The following ALDH1A1 variants were observed in gnomAD, a reference collection of about 807,000 sequenced individuals.
ALDH1A1 encodes aldehyde dehydrogenase 1 family member A1.
A neutral mutation model predicts 62.1 loss-of-function variants in ALDH1A1; 19 were observed. The ratio of observed to expected loss-of-function variants is 0.31; its 90% CI spans 0.21 to 0.45. The LOEUF (loss-of-function observed/expected upper bound fraction) is 0.45, where lower values mean the gene tolerates loss of function less well. Among genes scored for constraint, ALDH1A1 ranks in the 20% least tolerant of loss-of-function variants. ALDH1A1 has a pLI of 1.00. For missense variants in ALDH1A1, 521 were observed against 607.1 expected (o/e 0.86, Z 1.49); for synonymous variants, 231 against 215.9 (o/e 1.07, Z -0.61).
At chr9:72,940,046 T>C (rs1303186554) in intron 2 of ALDH1A1, 102 bp downstream of exon 2, 9 of 776,512 alleles carry the variant, frequency 1.2e-5, no homozygotes, top group Non-Finnish European at 1.9e-5. Flanking sequence ...AAACCATATT[T>C]TCATGGCATG....
At chr9:72,906,659 A>G (rs1040161488) in intron 11 of ALDH1A1, among the ~76,000 whole-genome samples, 1 of 152,234 alleles carries the variant, frequency 6.6e-6, no homozygotes, top group Non-Finnish European at 1.5e-5. Context: ...ACAAAAAATT[A>G]CAATAGAAGA....
chr9:72,929,457 A>G (rs991583142), intron 3 of ALDH1A1, among the ~76,000 whole-genome samples: 2 of 152,220 alleles, frequency 1.3e-5, no homozygotes, highest in African/African-American at 4.8e-5. Context: ...TAATTTTTAC[A>G]TTCCATCTGG....
intron 1 of ALDH1A1, among the ~76,000 whole-genome samples, chr9:72,942,890 A>G (rs114468851): frequency 3.8e-3 from 576 of 152,206 alleles, no homozygotes; most frequent in African/African-American, 0.012. Flanking sequence ...TCTTTCCAAC[A>G]TAACATGTTA....
intron 1 of ALDH1A1, among the ~76,000 whole-genome samples, chr9:72,941,641 C>T (rs915131362): frequency 1.1e-4 from 17 of 152,102 alleles, no homozygotes; most frequent in African/African-American, 3.9e-4. Context: ...GAATAACTAA[C>T]TTAATTGAAT....
At chr9:72,908,061 C>T (rs1339491157) in intron 11 of ALDH1A1, among the ~76,000 whole-genome samples, 1 of 151,944 alleles carries the variant, frequency 6.6e-6, no homozygotes, top group Non-Finnish European at 1.5e-5. Context: ...TCAGTTTATA[C>T]ATTTTTAAAG....
intron 12 of ALDH1A1, among the ~76,000 whole-genome samples, chr9:72,901,791 T>C (rs889724836): frequency 6.6e-6 from 1 of 152,044 alleles, no homozygotes; most frequent in African/African-American, 2.4e-5. Context: ...GCAGAGCTTG[T>C]ATTTACCATG....
chr9:72,941,005 G>T (rs1021121613), intron 1 of ALDH1A1, among the ~76,000 whole-genome samples: 8 of 152,096 alleles, frequency 5.3e-5, no homozygotes, highest in African/African-American at 1.2e-4. Flanking sequence ...TCATGTCACT[G>T]AATTTGTCTT....
intron 10 of ALDH1A1, among the ~76,000 whole-genome samples, chr9:72,911,442 C>T (rs772920197): frequency 2.0e-5 from 3 of 152,114 alleles, no homozygotes; most frequent in Non-Finnish European, 4.4e-5. Context: ...AGGATATTTA[C>T]GATAGCTCTC....
chr9:72,928,949 T>C lies in ALDH1A1; in HGVS notation c.385A>G (p.Thr129Ala). 6.2e-7 allele frequency: 1 copy of C among 1,614,026 alleles called. No individual in the cohort carries two copies. The highest frequency in any genetic ancestry group is 8.5e-7 in the Non-Finnish European group (1 of 1,179,940). ...GCCCAACCTGCACAGTAGCGCAATG[T>C]TTTGATGCAGCCTGCTAAATCATTC... ...YLNDLAGCIK[T>A]LRYCAGWADK... The change falls in exon 4 of 13, where the codon ACA becomes GCA. Residue 129 changes from threonine (T) to alanine (A), a missense_variant. By Grantham distance (58) the Thr-to-Ala change is moderately conservative. Transcript: ENST00000297785.
At chr9:72,951,657 T>A (rs1830545375) in intron 1 of ALDH1A1, among the ~76,000 whole-genome samples, 1 of 151,968 alleles carries the variant, frequency 6.6e-6, no homozygotes, top group Non-Finnish European at 1.5e-5. Flanking sequence ...TGAGGGAGAC[T>A]GGACTCTTGC....
At chr9:72,940,304 T>G (rs762372528) in intron 1 of ALDH1A1, 52 bp from the exon 2 acceptor site, 3 of 1,401,078 alleles carry the variant, frequency 2.1e-6, no homozygotes, top group Non-Finnish European at 3.0e-6. Flanking sequence ...TGCAGAAAAT[T>G]TTGGAAGTTT....
At chr9:72,907,517 A>C (rs867285267) in intron 11 of ALDH1A1, among the ~76,000 whole-genome samples, 7 of 152,342 alleles carry the variant, frequency 4.6e-5, no homozygotes, top group Non-Finnish European at 7.3e-5. Context: ...CTAGTCGAAA[A>C]TACAAAACTG....
Position 72,901,225 on chromosome 9 carries a change from A to G in ALDH1A1, c.1489T>C (p.Ser497Pro). The change falls in exon 13 of 13, where the codon TCT (serine) becomes CCT (proline). Residue 497 changes from serine to proline, a missense_variant. By Grantham distance (74) the Ser-to-Pro change is moderately conservative (BLOSUM62 -1). Coordinates refer to ENST00000297785, the MANE Select transcript of ALDH1A1 (RefSeq NM_000689.5). Reference protein sequence around the residue: ...TEVKTVTVKISQKNS With the variant: ...TEVKTVTVKIPQKNS Reference sequence around the variant, plus strand: ...TATTTTCTTTATGAGTTCTTCTGAGAGATTTTCACTGTGACTGTTTTGACC... The same window carrying G: ...TATTTTCTTTATGAGTTCTTCTGAGGGATTTTCACTGTGACTGTTTTGACC... 6.2e-7 allele frequency: 1 copy of G among 1,609,612 alleles called. No individual in the cohort carries two copies. The highest frequency in any genetic ancestry group is 2.2e-5 in the East Asian group (1 of 44,724).
At chr9:72,909,884 C>T in intron 10 of ALDH1A1, 125 bp from the exon 11 acceptor site, 1 of 777,002 alleles carries the variant, frequency 1.3e-6, no homozygotes. Flanking sequence ...CATCTCAAAC[C>T]TATGTGTGAG....
intron 2 of ALDH1A1, among the ~76,000 whole-genome samples, chr9:72,932,051 T>A (rs772841512): frequency 6.6e-6 from 1 of 152,216 alleles, no homozygotes; most frequent in Non-Finnish European, 1.5e-5. Context: ...CAGATCCCTG[T>A]TCAGACCTCT....
At chr9:72,909,018 A>G (rs181541870) in intron 11 of ALDH1A1, among the ~76,000 whole-genome samples, 3 of 152,272 alleles carry the variant, frequency 2.0e-5, no homozygotes, top group Admixed American at 2.0e-4. Flanking sequence ...TATACAGCAT[A>G]GTACCACGTG....
intron 1 of ALDH1A1, chr9:72,942,417 T>A (rs1830425381): frequency 7.2e-6 from 7 of 970,962 alleles, no homozygotes; most frequent in Non-Finnish European, 8.6e-6. Flanking sequence ...CTTCTGTTAA[T>A]GACACAAATA....
intron 4 of ALDH1A1, among the ~76,000 whole-genome samples, chr9:72,928,521 A>T (rs978777252): frequency 1.3e-5 from 2 of 152,220 alleles, no homozygotes; most frequent in African/African-American, 4.8e-5. Context: ...ACATTACAGA[A>T]AGGATATAAA....
chr9:72,926,651 G>C (rs1433416880), intron 5 of ALDH1A1, among the ~76,000 whole-genome samples: 1 of 152,170 alleles, frequency 6.6e-6, no homozygotes, highest in Non-Finnish European at 1.5e-5. Flanking sequence ...ATTAAAAAAT[G>C]TGTGTCATGA....
Sources: gnomAD v4.1 joint callset for allele counts (sites outside exome capture counted in the v4.1 genomes callset) on GRCh38, gnomAD v4.1.1 for gene constraint, MANE v1.5 for transcripts, NCBI Gene and HGNC (gene_info 2026-07-23, HGNC 2026-07-21) for gene names.